GTF2F2: variants seen among roughly 807,000 people sequenced by gnomAD.
GTF2F2 encodes ATP-dependent helicase GTF2F2.
Under a neutral mutation model 42.2 loss-of-function variants are expected in GTF2F2, and 23 were observed. The observed-to-expected ratio is 0.55, with a 90% CI of 0.39 to 0.77. The LOEUF (loss-of-function observed/expected upper bound fraction) is 0.77. GTF2F2 is among the 30% of genes least tolerant of loss of function. The pLI, the probability that GTF2F2 is intolerant of heterozygous loss-of-function variation, is 0.00. For missense variants in GTF2F2, 261 were observed against 287.2 expected, an observed-to-expected ratio of 0.91 and a Z score of 0.66; for synonymous variants, 105 against 100.8, an observed-to-expected ratio of 1.04 and a Z score of -0.25.
At chr13:45,125,457 C>CT (rs1169251180) in intron 1 of GTF2F2, among the ~76,000 whole-genome samples, 1 of 151,954 alleles carries the variant, frequency 6.6e-6, no homozygotes, top group African/African-American at 2.4e-5. Flanking sequence ...GTAGCTGGGG[C>CT]TACAGGCGCG....
At chr13:45,128,519 G>C (rs1869166052) in intron 1 of GTF2F2, among the ~76,000 whole-genome samples, 2 of 151,256 alleles carry the variant, frequency 1.3e-5, no homozygotes, top group Admixed American at 1.3e-4. Context: ...GTTGCAGTGA[G>C]CCAAGATCAT....
chr13:45,215,135 C>T (rs1262739937), intron 5 of GTF2F2, among the ~76,000 whole-genome samples: 3 of 152,188 alleles, frequency 2.0e-5, no homozygotes, highest in African/African-American at 7.2e-5. Flanking sequence ...TACTTGAGCA[C>T]TGGCATGATG....
At chr13:45,193,930 T>A in intron 4 of GTF2F2, 1 of 1,614,164 alleles carries the variant, frequency 6.2e-7, no homozygotes, top group Non-Finnish European at 8.5e-7. Context: ...AAAGGTGTTG[T>A]CTTCCTTTAG....
chr13:45,122,723 C>T (rs1868720787), intron 1 of GTF2F2, among the ~76,000 whole-genome samples: 2 of 152,110 alleles, frequency 1.3e-5, no homozygotes, highest in Non-Finnish European at 2.9e-5. Flanking sequence ...AATTGAAGTA[C>T]ATATTGATTT....
At chr13:45,215,941 A>G (rs564647419) in intron 5 of GTF2F2, among the ~76,000 whole-genome samples, 47 of 152,132 alleles carry the variant, frequency 3.1e-4, no homozygotes, top group South Asian at 6.2e-4. Context: ...ATGGTTGTAA[A>G]AGCTCTTGGG....
chr13:45,276,756 G>C (rs1001518494), intron 7 of GTF2F2, among the ~76,000 whole-genome samples: 1 of 152,132 alleles, frequency 6.6e-6, no homozygotes, highest in Non-Finnish European at 1.5e-5. Flanking sequence ...CAGTTTAGAA[G>C]CATGTCTTTA....
At chr13:45,173,509 C>T (rs760360457) in intron 4 of GTF2F2, among the ~76,000 whole-genome samples, 4 of 151,826 alleles carry the variant, frequency 2.6e-5, no homozygotes, top group African/African-American at 4.8e-5. Flanking sequence ...CCTTTGTAAC[C>T]GTGCCACCTT....
At chr13:45,171,866 C>CTT (rs35742068) in intron 4 of GTF2F2, among the ~76,000 whole-genome samples, 2,461 of 140,790 alleles carry the variant, frequency 0.017, 71 homozygotes, top group African/African-American at 0.057. Context: ...CTTTTGTGAC[C>CTT]TTTTTTTTTT....
intron 4 of GTF2F2, among the ~76,000 whole-genome samples, chr13:45,184,804 A>C (rs752281762): frequency 2.6e-4 from 40 of 152,038 alleles, no homozygotes; most frequent in Non-Finnish European, 4.0e-4. Context: ...ATTTTATACA[A>C]GCACAAGGTT....
At chr13:45,224,504 G>C (rs1016242509) in intron 5 of GTF2F2, among the ~76,000 whole-genome samples, 1 of 152,072 alleles carries the variant, frequency 6.6e-6, no homozygotes, top group Non-Finnish European at 1.5e-5. Flanking sequence ...CTTCTTTTCT[G>C]ATTCTAGTTA....
intron 5 of GTF2F2, among the ~76,000 whole-genome samples, chr13:45,211,261 T>C (rs1480264873): frequency 6.6e-6 from 1 of 152,122 alleles, no homozygotes; most frequent in African/African-American, 2.4e-5. Flanking sequence ...CATAAAATTG[T>C]AAGAACGGTA....
intron 6 of GTF2F2, among the ~76,000 whole-genome samples, 165 bp from the exon 7 acceptor site, chr13:45,267,068 G>T (rs2138264242): frequency 6.6e-6 from 1 of 151,862 alleles, no homozygotes; most frequent in East Asian, 1.9e-4. Context: ...AGAATCACTT[G>T]AACCCAGGAG....
intron 4 of GTF2F2, among the ~76,000 whole-genome samples, chr13:45,171,402 A>G (rs147935848): frequency 6.0e-4 from 91 of 152,288 alleles, no homozygotes; most frequent in African/African-American, 2.2e-3. Context: ...TCAACTTTAA[A>G]AGAAACAGGT....
intron 5 of GTF2F2, among the ~76,000 whole-genome samples, chr13:45,250,844 C>A (rs754159223): frequency 2.6e-5 from 4 of 152,138 alleles, no homozygotes; most frequent in Non-Finnish European, 5.9e-5. Flanking sequence ...TAGTTGATTT[C>A]TCAGTCTTAG....
intron 4 of GTF2F2, among the ~76,000 whole-genome samples, chr13:45,191,252 T>C (rs1002103064): frequency 7.2e-6 from 1 of 138,592 alleles, no homozygotes. Flanking sequence ...TATATATATA[T>C]ATAGCCATAA....
At chr13:45,254,048 T>G (rs1295219445) in intron 6 of GTF2F2, among the ~76,000 whole-genome samples, 10 of 134,356 alleles carry the variant, frequency 7.4e-5, no homozygotes, top group Non-Finnish European at 1.5e-4. Flanking sequence ...AGTGACAGAG[T>G]GACAGAGCGA....
At chr13:45,233,588 C>G (rs1874797596) in intron 5 of GTF2F2, among the ~76,000 whole-genome samples, 2 of 152,178 alleles carry the variant, frequency 1.3e-5, no homozygotes, top group African/African-American at 4.8e-5. Flanking sequence ...TTTAGCCAGT[C>G]ATAGAGGAAA....
intron 6 of GTF2F2, among the ~76,000 whole-genome samples, chr13:45,258,600 A>G (rs1876197486): frequency 6.6e-6 from 1 of 152,224 alleles, no homozygotes; most frequent in Non-Finnish European, 1.5e-5. Context: ...TTGCTGATAC[A>G]AAGCTATCAC....
chr13:45,173,656 T>C (rs1371202252), intron 4 of GTF2F2, among the ~76,000 whole-genome samples: 10 of 142,070 alleles, frequency 7.0e-5, no homozygotes, highest in Non-Finnish European at 1.2e-4. Context: ...CTTGCTCTGT[T>C]ACCCAGGCTG....
Sources: gnomAD v4.1 joint callset for allele counts (sites outside exome capture counted in the v4.1 genomes callset) on GRCh38, gnomAD v4.1.1 for gene constraint, MANE v1.5 for transcripts, NCBI Gene and HGNC (gene_info 2026-07-23, HGNC 2026-07-21) for gene names.